MOCOS: variants seen among roughly 807,000 people sequenced by gnomAD.
The protein encoded by MOCOS is molybdenum cofactor sulfurase, also known as human molybdenum cofactor sulfurase.
A neutral mutation model predicts 83.6 loss-of-function variants in MOCOS; 86 were observed. The ratio of observed to expected loss-of-function variants is 1.03; its 90% confidence interval spans 0.86 to 1.23. The LOEUF is 1.23. Among genes scored for constraint, MOCOS ranks in the 50% most tolerant of loss-of-function variants. The probability of loss-of-function intolerance (pLI) is 0.00; values close to 1 mark genes in which losing one functional copy is unlikely to be tolerated. For synonymous variants in MOCOS, 445 were observed against 434.7 expected, an observed-to-expected ratio of 1.02 and a Z score of -0.29; for missense variants, 1,120 against 1,126.9, an observed-to-expected ratio of 0.99 and a Z score of 0.09.
At chr18:36,257,171 T>G (rs1280934520) in intron 12 of MOCOS, 98 bp downstream of exon 12, 11 of 1,072,224 alleles carry the variant, frequency 1.0e-5, no homozygotes, top group Non-Finnish European at 1.4e-5. Context: ...CTGAGAGTCA[T>G]GAAGTTCAGC....
chr18:36,190,852 T>G (rs1197671158), intron 1 of MOCOS, among the ~76,000 whole-genome samples: 1 of 151,746 alleles, frequency 6.6e-6, no homozygotes, highest in East Asian at 1.9e-4. Flanking sequence ...CTGGCCAACA[T>G]GGCAAAACCC....
At chr18:36,203,629 C>T (rs2144904943) in intron 5 of MOCOS, among the ~76,000 whole-genome samples, 1 of 152,310 alleles carries the variant, frequency 6.6e-6, no homozygotes, top group African/African-American at 2.4e-5. Context: ...ACCAGGAGGG[C>T]AAGGATTTAA....
In MOCOS at chr18:36,266,993, C is replaced by A. The variant is rs531059139; in HGVS notation, c.2514+140C>A. On this transcript the variant is annotated intron_variant, in intron 14 of 14. Transcript: ENST00000261326. ...CCAAAGCTGTTGGGCTGCCATTAACCTATCCTTGTTTGTAGTTTCATTTTA... is the reference window on the plus strand; with the variant it reads ...CCAAAGCTGTTGGGCTGCCATTAACATATCCTTGTTTGTAGTTTCATTTTA... 5 of 734,868 alleles carry A rather than the reference C, an allele frequency of 6.8e-6. No homozygotes were observed. The East Asian group carries it at 1.4e-4, about 20-fold the overall frequency. 45.5% of individuals were successfully genotyped at this position (734,868 alleles called of 1,614,324 possible).
intron 10 of MOCOS, 65 bp downstream of exon 10, chr18:36,249,065 G>A (rs988735688): frequency 7.3e-7 from 1 of 1,364,430 alleles, no homozygotes; most frequent in South Asian, 1.2e-5. Flanking sequence ...GGGGAAGAGG[G>A]TAATGCCCTA....
At chr18:36,264,275 G>A (rs908598354) in intron 13 of MOCOS, among the ~76,000 whole-genome samples, 1 of 152,188 alleles carries the variant, frequency 6.6e-6, no homozygotes, top group African/African-American at 2.4e-5. Flanking sequence ...TTTCATTGAA[G>A]TGACAGGATT....
At chr18:36,195,462 G>GC in intron 2 of MOCOS, 116 bp downstream of exon 2, 1 of 989,228 alleles carries the variant, frequency 1.0e-6, no homozygotes, top group Non-Finnish European at 1.6e-6. Context: ...AGCTGAATAA[G>GC]CCCCATGTAA....
chr18:36,250,820 G>C (rs2091619085), intron 10 of MOCOS, among the ~76,000 whole-genome samples: 1 of 152,102 alleles, frequency 6.6e-6, no homozygotes, highest in South Asian at 2.1e-4. Flanking sequence ...ACATATTTCT[G>C]GGTTCAAGGG....
intron 9 of MOCOS, among the ~76,000 whole-genome samples, chr18:36,225,852 T>C (rs1006852955): frequency 2.6e-5 from 4 of 152,128 alleles, no homozygotes; most frequent in African/African-American, 9.7e-5. Context: ...TTTTCCATTT[T>C]CTTGCTGCTA....
intron 9 of MOCOS, among the ~76,000 whole-genome samples, chr18:36,225,518 T>TC (rs2091512216): frequency 1.3e-5 from 2 of 152,222 alleles, no homozygotes; most frequent in East Asian, 3.8e-4. Flanking sequence ...AACTTAGTTT[T>TC]GTTAATGTTT....
chr18:36,262,397 C>T (rs1363278779), intron 13 of MOCOS, among the ~76,000 whole-genome samples: 2 of 152,102 alleles, frequency 1.3e-5, no homozygotes, highest in Middle Eastern at 3.2e-3. Context: ...GTACTCTAGG[C>T]TGGGTCTCAG....
chr18:36,200,335 CA>C lies in MOCOS; in HGVS notation c.941+12del, dbSNP rs763031398. Reference sequence around the variant, plus strand: ...GTCGGTAGCTCAGAGGTAACCTTGCCACAGGGGAGGGGTCAGAGGAGTTCAG... The same window carrying C: ...GTCGGTAGCTCAGAGGTAACCTTGCCCAGGGGAGGGGTCAGAGGAGTTCAG... On this transcript the variant is annotated intron_variant, in intron 4 of 14. Coordinates refer to ENST00000261326, the MANE Select transcript of MOCOS (RefSeq NM_017947.4). 2 of 1,613,752 alleles carry C rather than the reference CA, an allele frequency of 1.2e-6. No individual in the cohort carries two copies. The highest frequency in any genetic ancestry group is 1.7e-6 in the Non-Finnish European group (2 of 1,180,010).
In MOCOS at chr18:36,215,889, AAGCTGC is replaced by A. The variant is rs766935027; in HGVS notation, c.1712_1717del (p.Ala571_Ala572del). On this transcript the variant is annotated inframe_deletion, in exon 8 of 15. Coordinates refer to ENST00000261326, the MANE Select transcript of MOCOS (RefSeq NM_017947.4). The stretch of plus-strand genomic sequence containing the variant: ...AGAACCCAGCCGACTCCTTCAGAGA[AAGCTGC>A]AGGAGTCCTGGAGGGGGCCCTTGGG... The A allele has an allele frequency of 3.7e-6, 6 of 1,614,138 alleles. No homozygotes were observed. The highest frequency in any genetic ancestry group is 5.1e-6 in the Non-Finnish European group (6 of 1,179,982).
At chr18:36,198,613 G>A in intron 2 of MOCOS, 77 bp from the exon 3 acceptor site, 1 of 1,396,994 alleles carries the variant, frequency 7.2e-7, no homozygotes, top group Non-Finnish European at 1.0e-6. Context: ...GAGAAACTGA[G>A]GGAGTGGATT....
At chr18:36,201,674 A>AAAAAAAAAAAAAAAAAAAAG (rs1205619664) in intron 4 of MOCOS, among the ~76,000 whole-genome samples, 1 of 147,922 alleles carries the variant, frequency 6.8e-6, no homozygotes, top group African/African-American at 2.6e-5. Context: ...AAAAAAAAAA[A>AAAAAAAAAAAAAAAAAAAAG]AAAAAGAAAT....
intron 9 of MOCOS, among the ~76,000 whole-genome samples, chr18:36,227,602 G>A (rs573706585): frequency 6.6e-6 from 1 of 152,002 alleles, no homozygotes; most frequent in Non-Finnish European, 1.5e-5. Context: ...CACCACGTTG[G>A]CCAGGCTGGT....
chr18:36,188,975 T>C (rs1413957461), intron 1 of MOCOS, among the ~76,000 whole-genome samples: 4 of 151,646 alleles, frequency 2.6e-5, no homozygotes, highest in African/African-American at 9.7e-5. Flanking sequence ...CACTCAGAAA[T>C]AGAGGGGTAC....
chr18:36,235,256 A>G (rs560066736), intron 9 of MOCOS, among the ~76,000 whole-genome samples: 1 of 136,894 alleles, frequency 7.3e-6, no homozygotes, highest in Non-Finnish European at 1.6e-5. Context: ...AGCATTAGGT[A>G]TATCTCCCAA....
At chr18:36,210,120 C>T (rs1403771736) in intron 6 of MOCOS, among the ~76,000 whole-genome samples, 1 of 152,096 alleles carries the variant, frequency 6.6e-6, no homozygotes, top group East Asian at 1.9e-4. Context: ...TGTATCTCTG[C>T]CATGTTGTGG....
chr18:36,241,588 A>G (rs2091582914), intron 9 of MOCOS, among the ~76,000 whole-genome samples: 1 of 152,200 alleles, frequency 6.6e-6, no homozygotes, highest in Non-Finnish European at 1.5e-5. Context: ...TCTGGAGGAC[A>G]GTGGCCCTCT....
Sources: gnomAD v4.1 joint callset for allele counts (sites outside exome capture counted in the v4.1 genomes callset) on GRCh38, gnomAD v4.1.1 for gene constraint, MANE v1.5 for transcripts, NCBI Gene and HGNC (gene_info 2026-07-23, HGNC 2026-07-21) for gene names.